PLCL1: variants seen among roughly 807,000 people sequenced by gnomAD.
The protein encoded by PLCL1 is phospholipase C like 1 (inactive), also known as inactive phospholipase C-like protein 1.
A neutral mutation model predicts 84.4 loss-of-function variants in PLCL1; 41 were observed. The ratio of observed to expected loss-of-function variants is 0.49; its 90% CI spans 0.38 to 0.63. The LOEUF is 0.63. Among genes scored for constraint, PLCL1 ranks in the 30% least tolerant of loss-of-function variants. The pLI, the probability that PLCL1 is intolerant of heterozygous loss-of-function variation, is 0.00. For missense variants in PLCL1, 1,206 were observed against 1,367.8 expected, an observed-to-expected ratio of 0.88 and a Z score of 1.87; for synonymous variants, 490 against 488.3, an observed-to-expected ratio of 1.00 and a Z score of -0.05.
intron 1 of PLCL1, among the ~76,000 whole-genome samples, chr2:197,948,892 A>G (rs756550532): frequency 6.6e-6 from 1 of 152,188 alleles, no homozygotes; most frequent in African/African-American, 2.4e-5. Context: ...GGCAGTAAAT[A>G]GGATCTAAGA....
intron 1 of PLCL1, among the ~76,000 whole-genome samples, chr2:197,991,252 G>C (rs1317011208): frequency 6.6e-6 from 1 of 152,146 alleles, no homozygotes; most frequent in African/African-American, 2.4e-5. Flanking sequence ...TCCTTGGACT[G>C]GGATTTATAA....
intron 5 of PLCL1, among the ~76,000 whole-genome samples, chr2:198,110,730 C>A (rs554966059): frequency 6.6e-5 from 10 of 151,732 alleles, no homozygotes; most frequent in Admixed American, 6.6e-5. Context: ...TCAAACCAGG[C>A]TCTTCCAACA....
intron 1 of PLCL1, among the ~76,000 whole-genome samples, chr2:197,926,645 A>G (rs1423724985): frequency 1.3e-5 from 2 of 152,202 alleles, no homozygotes; most frequent in African/African-American, 2.4e-5. Context: ...TAGTATTTTT[A>G]TCATTTGTCT....
At chr2:197,976,517 C>T (rs943144441) in intron 1 of PLCL1, among the ~76,000 whole-genome samples, 4 of 152,128 alleles carry the variant, frequency 2.6e-5, no homozygotes, top group Non-Finnish European at 5.9e-5. Flanking sequence ...GGCATGAACT[C>T]GGCTCACTGC....
chr2:197,824,713 CAAAAAAA>C (rs1163183876), intron 1 of PLCL1, among the ~76,000 whole-genome samples: 2 of 55,544 alleles, frequency 3.6e-5, no homozygotes, highest in Non-Finnish European at 7.5e-5. Flanking sequence ...GACCCTGTCT[CAAAAAAA>C]AAAAAAAAAA....
chr2:197,906,694 G>A (rs942096890), intron 1 of PLCL1, among the ~76,000 whole-genome samples: 3 of 152,160 alleles, frequency 2.0e-5, no homozygotes, highest in Admixed American at 2.0e-4. Context: ...CTATCCATGA[G>A]CATGGAATGT....
At chr2:198,119,559 G>A (rs1693823182) in intron 5 of PLCL1, among the ~76,000 whole-genome samples, 1 of 151,796 alleles carries the variant, frequency 6.6e-6, no homozygotes, top group Non-Finnish European at 1.5e-5. Context: ...TCACCCACCA[G>A]CTCCTCTTCA....
At chr2:197,899,072 C>T (rs866345589) in intron 1 of PLCL1, among the ~76,000 whole-genome samples, 142 of 152,200 alleles carry the variant, frequency 9.3e-4, no homozygotes, top group African/African-American at 3.3e-3. Context: ...TAGTATACAA[C>T]TCAAGTACTG....
At chr2:197,939,854 G>A (rs1191038431) in intron 1 of PLCL1, among the ~76,000 whole-genome samples, 1 of 151,238 alleles carries the variant, frequency 6.6e-6, no homozygotes, top group South Asian at 2.1e-4. Flanking sequence ...GAGAGTCAAT[G>A]CCCTAGGTGG....
At chr2:198,088,122 A>G (rs1692931712) in intron 2 of PLCL1, among the ~76,000 whole-genome samples, 1 of 152,072 alleles carries the variant, frequency 6.6e-6, no homozygotes, top group East Asian at 1.9e-4. Context: ...TACTTTGCAT[A>G]TTTTATATTA....
chr2:197,928,200 A>T (rs1688869179), intron 1 of PLCL1, among the ~76,000 whole-genome samples: 1 of 152,178 alleles, frequency 6.6e-6, no homozygotes, highest in African/African-American at 2.4e-5. Context: ...ATCCAGAATG[A>T]TATATGTATT....
intron 1 of PLCL1, among the ~76,000 whole-genome samples, chr2:198,024,244 T>C (rs1391784019): frequency 6.6e-6 from 1 of 152,016 alleles, no homozygotes; most frequent in Non-Finnish European, 1.5e-5. Context: ...CCAGGGCCTA[T>C]CAGGGGTTGG....
At chr2:198,122,106 T>C (rs1693882159) in intron 5 of PLCL1, among the ~76,000 whole-genome samples, 1 of 152,098 alleles carries the variant, frequency 6.6e-6, no homozygotes, top group Non-Finnish European at 1.5e-5. Context: ...CTAGTGCCCA[T>C]GTTTGATTTT....
intron 1 of PLCL1, among the ~76,000 whole-genome samples, chr2:197,819,368 G>A (rs866401072): frequency 1.3e-5 from 2 of 152,016 alleles, no homozygotes; most frequent in Admixed American, 6.6e-5. Context: ...GCAAGACTGA[G>A]TAAGGACTCA....
intron 1 of PLCL1, among the ~76,000 whole-genome samples, chr2:197,885,132 C>G (rs1159407239): frequency 6.6e-6 from 1 of 152,202 alleles, no homozygotes; most frequent in African/African-American, 2.4e-5. Flanking sequence ...AACATTCGTT[C>G]TCATTTTTGC....
In PLCL1 at chr2:198,121,259, A is replaced by C. The variant is rs142711096; in HGVS notation, c.3105+17323A>C. On this transcript the variant is annotated intron_variant, in intron 5 of 5. Coordinates refer to ENST00000428675, the MANE Select transcript of PLCL1 (RefSeq NM_006226.4). ...GTTTGCAAATATTTTCTTCCATTCT[A>C]TAGTTTGTCTCTTCACTTTTGGGTT... Among the ~76,000 whole-genome samples the C allele has an allele frequency of 5.3e-3, 804 of 152,074 alleles. 4 individuals carry two copies. The highest frequency in any genetic ancestry group is 0.014 in the Middle Eastern group (4 of 294).
At chr2:197,827,961 T>C (rs1345604361) in intron 1 of PLCL1, among the ~76,000 whole-genome samples, 3 of 72,414 alleles carry the variant, frequency 4.1e-5, no homozygotes, top group African/African-American at 8.7e-5. Flanking sequence ...TTAGCAAATA[T>C]GTTTTTTATA....
chr2:197,864,016 T>G (rs1176690183), intron 1 of PLCL1, among the ~76,000 whole-genome samples: 6 of 152,134 alleles, frequency 3.9e-5, no homozygotes, highest in African/African-American at 1.4e-4. Flanking sequence ...TAGCAGAGTA[T>G]TTAGTAGGAG....
chr2:198,096,295 C>A (rs1366261566), intron 3 of PLCL1, among the ~76,000 whole-genome samples: 1 of 152,210 alleles, frequency 6.6e-6, no homozygotes, highest in Non-Finnish European at 1.5e-5. Flanking sequence ...TTATAACACA[C>A]TTCTTCTACC....
Sources: gnomAD v4.1 joint callset for allele counts (sites outside exome capture counted in the v4.1 genomes callset) on GRCh38, gnomAD v4.1.1 for gene constraint, MANE v1.5 for transcripts, NCBI Gene and HGNC (gene_info 2026-07-23, HGNC 2026-07-21) for gene names.